WWTR1: variants seen among roughly 807,000 people sequenced by gnomAD.
The protein encoded by WWTR1 is WW domain-containing transcription regulator protein 1.
Under a neutral mutation model 40.1 loss-of-function variants are expected in WWTR1, and 13 were observed. The observed-to-expected ratio is 0.32, with a 90% CI of 0.21 to 0.52. The LOEUF (loss-of-function observed/expected upper bound fraction) is 0.52. Ranked by LOEUF, WWTR1 falls within the 20% of genes least tolerant of loss-of-function variation. The pLI is 0.97. For missense variants in WWTR1, 436 were observed against 523.1 expected (o/e 0.83, Z 1.63); for synonymous variants, 230 against 210.1 (o/e 1.09, Z -0.82).
intron 2 of WWTR1, among the ~76,000 whole-genome samples, chr3:149,588,365 A>G (rs937092979): frequency 2.6e-5 from 4 of 152,244 alleles, no homozygotes; most frequent in Non-Finnish European, 5.9e-5. Flanking sequence ...CCTTAATGTT[A>G]GAGAAATAAA....
At chr3:149,523,500 G>A (rs976856869) in intron 6 of WWTR1, among the ~76,000 whole-genome samples, 8 of 152,128 alleles carry the variant, frequency 5.3e-5, no homozygotes, top group Admixed American at 2.0e-4. Context: ...CACCCACCTC[G>A]GCCTACCAAA....
intron 3 of WWTR1, among the ~76,000 whole-genome samples, chr3:149,552,224 C>G (rs534902489): frequency 6.9e-6 from 1 of 144,938 alleles, no homozygotes; most frequent in African/African-American, 2.6e-5. Flanking sequence ...AAAGTCTCCC[C>G]CTACCCCTCA....
chr3:149,680,543 C>A (rs1714422786), intron 1 of WWTR1, among the ~76,000 whole-genome samples: 1 of 148,232 alleles, frequency 6.7e-6, no homozygotes, highest in African/African-American at 2.5e-5. Context: ...GACCCTGTCT[C>A]AAAAAAAACC....
intron 2 of WWTR1, among the ~76,000 whole-genome samples, chr3:149,629,720 A>C (rs1000063712): frequency 7.9e-5 from 12 of 152,254 alleles, no homozygotes; most frequent in African/African-American, 2.7e-4. Flanking sequence ...TGTTGATGAC[A>C]CATATTAAAG....
intron 4 of WWTR1, among the ~76,000 whole-genome samples, chr3:149,539,237 T>G (rs770351335): frequency 2.6e-5 from 4 of 152,228 alleles, no homozygotes; most frequent in African/African-American, 7.2e-5. Context: ...TGAAACAATA[T>G]TTATATAGCA....
In WWTR1 at chr3:149,583,111, G is replaced by A. The variant is rs533895967; in HGVS notation, c.432-10111C>T. Among the ~76,000 whole-genome samples, 244 of 152,178 alleles carry A rather than the reference G, an allele frequency of 1.6e-3. 1 individual carries two copies. The highest frequency in any genetic ancestry group is 2.6e-3 in the Admixed American group (40 of 15,274). ...CTCCTGAGTAGCTAGGATTATAGGC[G>A]TGTGCCACCACACCTGACGAATTTT... is the stretch of plus-strand genomic sequence containing the variant. On this transcript the variant is annotated intron_variant, in intron 2 of 6. Coordinates refer to ENST00000360632, the MANE Select transcript of WWTR1 (RefSeq NM_015472.6).
chr3:149,650,792 G>A (rs1003110583), intron 2 of WWTR1, among the ~76,000 whole-genome samples: 1 of 152,228 alleles, frequency 6.6e-6, no homozygotes, highest in Non-Finnish European at 1.5e-5. Context: ...CTTACAGTGA[G>A]CATTCCTATT....
At chr3:149,596,024 A>C (rs1738988562) in intron 2 of WWTR1, among the ~76,000 whole-genome samples, 1 of 152,098 alleles carries the variant, frequency 6.6e-6, no homozygotes, top group Admixed American at 6.6e-5. Flanking sequence ...CAACATGGTG[A>C]GATTCCATCT....
intron 1 of WWTR1, among the ~76,000 whole-genome samples, chr3:149,683,523 G>A (rs1006711817): frequency 3.9e-5 from 6 of 151,958 alleles, no homozygotes; most frequent in African/African-American, 7.3e-5. Flanking sequence ...GTGAAACCCC[G>A]TCTCTACTAA....
At chr3:149,579,837 G>A (rs1342749618) in intron 2 of WWTR1, among the ~76,000 whole-genome samples, 4 of 152,176 alleles carry the variant, frequency 2.6e-5, no homozygotes, top group African/African-American at 9.7e-5. Flanking sequence ...TTTGCTAAAT[G>A]AAACAGCTTT....
At chr3:149,587,967 A>G (rs958308492) in intron 2 of WWTR1, among the ~76,000 whole-genome samples, 1 of 152,142 alleles carries the variant, frequency 6.6e-6, no homozygotes, top group Non-Finnish European at 1.5e-5. Flanking sequence ...TGCAACAAAA[A>G]CCTGGGAAAA....
In WWTR1 at chr3:149,687,988, A is replaced by T. The variant is rs184202103; in HGVS notation, c.-108+15136T>A. On this transcript the variant is annotated intron_variant, in intron 1 of 7. Transcript: ENST00000465804. ...AGTTGTTGCCATGGACCTGGGGCTCATGGTGGTGGTGGACATGGGGAGAGA... is the reference window on the plus strand; with the variant it reads ...AGTTGTTGCCATGGACCTGGGGCTCTTGGTGGTGGTGGACATGGGGAGAGA... Among the ~76,000 whole-genome samples the T allele has an allele frequency of 9.9e-5, 15 of 151,932 alleles. No individual in the cohort carries two copies. The East Asian group carries it at 2.9e-3, about 30-fold the overall frequency.
chr3:149,553,444 A>G (rs1255372000), intron 3 of WWTR1, among the ~76,000 whole-genome samples: 1 of 152,184 alleles, frequency 6.6e-6, no homozygotes, highest in African/African-American at 2.4e-5. Context: ...CGTGAATCGC[A>G]TGTTTTGATG....
rs1419308285 is a variant in WWTR1, at chr3:149,624,200, TG to T, written c.431+32675del. 6.6e-5 allele frequency among the ~76,000 whole-genome samples: 10 copies of T among 150,444 alleles called. No homozygotes were observed. The South Asian group carries it at 1.7e-3, about 26-fold the overall frequency. On this transcript the variant is annotated intron_variant, in intron 2 of 6. Coordinates refer to ENST00000360632, the MANE Select transcript of WWTR1 (RefSeq NM_015472.6). ...GAACAGATACTGGCATACATTGAAGTGGGCGGGTGAGGGCGGGTAGAGGGAA... is the reference window on the plus strand; with the variant it reads ...GAACAGATACTGGCATACATTGAAGTGGCGGGTGAGGGCGGGTAGAGGGAA...
chr3:149,633,252 G>A (rs953598322), intron 2 of WWTR1, among the ~76,000 whole-genome samples: 4 of 152,128 alleles, frequency 2.6e-5, no homozygotes, highest in African/African-American at 9.7e-5. Context: ...AGCCAGGCAT[G>A]GTGACGCACA....
intron 2 of WWTR1, 146 bp downstream of exon 2, chr3:149,656,730 A>C: frequency 1.2e-6 from 1 of 826,718 alleles, no homozygotes; most frequent in South Asian, 2.3e-5. Flanking sequence ...ATATCTGTGA[A>C]ATAACCGTGG....
At chr3:149,594,194 T>G (rs1449785364) in intron 2 of WWTR1, among the ~76,000 whole-genome samples, 1 of 152,220 alleles carries the variant, frequency 6.6e-6, no homozygotes, top group Non-Finnish European at 1.5e-5. Flanking sequence ...GGATGTAGTT[T>G]CCATATAGCA....
At position 149,701,283 on chromosome 3, in the gene WWTR1, T is replaced by A. The variant is rs4384901; in HGVS notation, c.-108+1841A>T. On this transcript the variant is annotated intron_variant, in intron 1 of 7. Coordinates refer to the WWTR1 transcript ENST00000465804. ...CACCTTAGTTTGGGACCAAACTGCC[T>A]GGATCTTTGTGAAAATCGGTTTTGT... is the stretch of plus-strand genomic sequence containing the variant. Among the ~76,000 whole-genome samples, 44 of 152,370 alleles carry A rather than the reference T, an allele frequency of 2.9e-4. No individual in the cohort carries two copies. The South Asian group carries it at 8.7e-3, about 30-fold the overall frequency.
chr3:149,666,978 T>C (rs1055166064), intron 2 of WWTR1, among the ~76,000 whole-genome samples: 1 of 152,196 alleles, frequency 6.6e-6, no homozygotes, highest in Non-Finnish European at 1.5e-5. Context: ...GGCCATACGA[T>C]GTACAGAGGC....
Sources: gnomAD v4.1 joint callset for allele counts (sites outside exome capture counted in the v4.1 genomes callset) on GRCh38, gnomAD v4.1.1 for gene constraint, MANE v1.5 for transcripts, NCBI Gene and HGNC (gene_info 2026-07-23, HGNC 2026-07-21) for gene names.